Variants in KLHL1 observed in about 807,000 individuals in gnomAD.
KLHL1 encodes the protein kelch-like protein 1.
In KLHL1, 47 loss-of-function variants were observed where a neutral mutation model predicts 77.7. The observed-to-expected ratio is 0.60, with a 90% CI of 0.48 to 0.77. The LOEUF (loss-of-function observed/expected upper bound fraction) is 0.77, where lower values mean the gene tolerates loss of function less well. KLHL1 is among the 30% of genes least tolerant of loss of function. KLHL1 has a pLI of 0.00. For missense variants in KLHL1, 925 were observed against 910.8 expected (o/e 1.02, Z -0.20); for synonymous variants, 360 against 325.2 (o/e 1.11, Z -1.15).
chr13:70,000,543 T>G (rs983558604), intron 1 of KLHL1, among the ~76,000 whole-genome samples: 2 of 151,934 alleles, frequency 1.3e-5, no homozygotes, highest in African/African-American at 4.8e-5. Flanking sequence ...CACACGTATT[T>G]GGAATATTAA....
chr13:69,738,957 C>T (rs1381200661), intron 8 of KLHL1, among the ~76,000 whole-genome samples: 1 of 152,064 alleles, frequency 6.6e-6, no homozygotes, highest in Non-Finnish European at 1.5e-5. Context: ...TCATCAGATT[C>T]GCCAAAGTCG....
chr13:70,096,852 GC>G (rs1161770808), intron 1 of KLHL1, among the ~76,000 whole-genome samples: 1 of 151,854 alleles, frequency 6.6e-6, no homozygotes, highest in Admixed American at 6.6e-5. Flanking sequence ...AATCTTCTCA[GC>G]AAAAGATAGT....
chr13:70,023,887 C>T (rs1410256251), intron 1 of KLHL1, among the ~76,000 whole-genome samples: 1 of 151,836 alleles, frequency 6.6e-6, no homozygotes, highest in Non-Finnish European at 1.5e-5. Flanking sequence ...GGGTTGTCCC[C>T]TCTTAGTTAT....
intron 9 of KLHL1, among the ~76,000 whole-genome samples, chr13:69,715,530 T>A (rs879608130): frequency 4.2e-4 from 64 of 151,932 alleles, no homozygotes; most frequent in East Asian, 1.7e-3. Context: ...TATTTATTTT[T>A]TTTTTTTTGA....
At chr13:69,914,951 T>C (rs972654824) in intron 4 of KLHL1, among the ~76,000 whole-genome samples, 10 of 152,168 alleles carry the variant, frequency 6.6e-5, no homozygotes, top group African/African-American at 2.2e-4. Flanking sequence ...AATACACATG[T>C]AAACAACACT....
chr13:69,726,711 T>C (rs1009588633), intron 8 of KLHL1, among the ~76,000 whole-genome samples: 3 of 152,158 alleles, frequency 2.0e-5, no homozygotes, highest in Non-Finnish European at 4.4e-5. Context: ...TATCCAAACT[T>C]GGCAGAATTC....
intron 7 of KLHL1, among the ~76,000 whole-genome samples, chr13:69,750,217 C>A (rs1167489186): frequency 6.6e-6 from 1 of 151,574 alleles, no homozygotes; most frequent in African/African-American, 2.4e-5. Context: ...TATTTAAAAT[C>A]TTCCTTTCAA....
At chr13:69,712,398 CAT>C (rs1875917329) in intron 9 of KLHL1, among the ~76,000 whole-genome samples, 1 of 152,040 alleles carries the variant, frequency 6.6e-6, no homozygotes, top group African/African-American at 2.4e-5. Flanking sequence ...CAATTTTCCA[CAT>C]GAGATATCCA....
At chr13:70,069,075 A>T (rs1324227579) in intron 1 of KLHL1, among the ~76,000 whole-genome samples, 1 of 152,340 alleles carries the variant, frequency 6.6e-6, no homozygotes, top group African/African-American at 2.4e-5. Context: ...TTGAGATTTT[A>T]TCAAAATCTA....
chr13:70,079,607 A>C (rs1478636785), intron 1 of KLHL1, among the ~76,000 whole-genome samples: 1 of 152,154 alleles, frequency 6.6e-6, no homozygotes, highest in Non-Finnish European at 1.5e-5. Context: ...TGTGTTTTCA[A>C]CATTTTCAAT....
chr13:69,862,523 C>T (rs937286921), intron 5 of KLHL1, among the ~76,000 whole-genome samples: 6 of 152,108 alleles, frequency 3.9e-5, no homozygotes, highest in Non-Finnish European at 5.9e-5. Context: ...TGGATCATCA[C>T]AACTCATTAA....
intron 3 of KLHL1, among the ~76,000 whole-genome samples, chr13:69,946,732 A>G (rs1380357121): frequency 2.0e-5 from 3 of 152,018 alleles, no homozygotes; most frequent in East Asian, 3.9e-4. Context: ...AGGCTAGTCT[A>G]GAACTCCTGG....
chr13:69,828,058 G>A (rs1878617051), intron 6 of KLHL1, among the ~76,000 whole-genome samples: 1 of 150,274 alleles, frequency 6.7e-6, no homozygotes, highest in Non-Finnish European at 1.5e-5. Context: ...CTCCCACTTG[G>A]ATGGACAGAA....
chr13:69,987,323 A>C (rs1884900159), intron 1 of KLHL1, among the ~76,000 whole-genome samples: 1 of 152,094 alleles, frequency 6.6e-6, no homozygotes, highest in Admixed American at 6.6e-5. Flanking sequence ...CTAATACAAT[A>C]ATGAAAGAAA....
chr13:70,094,935 A>C (rs1887751894), intron 1 of KLHL1, among the ~76,000 whole-genome samples: 2 of 152,302 alleles, frequency 1.3e-5, no homozygotes, highest in East Asian at 3.9e-4. Context: ...GAAAGTAGCC[A>C]GTAGAATAAA....
At chr13:70,036,419 C>T (rs916906193) in intron 1 of KLHL1, among the ~76,000 whole-genome samples, 3 of 151,898 alleles carry the variant, frequency 2.0e-5, no homozygotes, top group African/African-American at 7.2e-5. Flanking sequence ...ATTAAATCCC[C>T]ATTTTGTCCC....
At chr13:70,105,481 A>G (rs898663740) in intron 1 of KLHL1, among the ~76,000 whole-genome samples, 4 of 151,506 alleles carry the variant, frequency 2.6e-5, no homozygotes, top group African/African-American at 9.7e-5. Context: ...TTATTCAAAG[A>G]ATTTAAAAAT....
chr13:69,856,853 A>G (rs1403678428), intron 5 of KLHL1, among the ~76,000 whole-genome samples: 2 of 151,914 alleles, frequency 1.3e-5, no homozygotes, highest in Non-Finnish European at 2.9e-5. Context: ...AATTTGGCCC[A>G]TTTTATTCCT....
chr13:70,009,696 C>T (rs1005696320), intron 1 of KLHL1, among the ~76,000 whole-genome samples: 1 of 152,102 alleles, frequency 6.6e-6, no homozygotes, highest in African/African-American at 2.4e-5. Context: ...ATTTTTTCAT[C>T]TGTAATGTGG....
Sources: gnomAD v4.1 joint callset for allele counts (sites outside exome capture counted in the v4.1 genomes callset) on GRCh38, gnomAD v4.1.1 for gene constraint, MANE v1.5 for transcripts, NCBI Gene and HGNC (gene_info 2026-07-23, HGNC 2026-07-21) for gene names.